The following LAMA4 variants were observed in gnomAD, a reference collection of about 807,000 sequenced individuals.
The protein encoded by LAMA4 is laminin subunit alpha 4.
A neutral mutation model predicts 207.1 loss-of-function variants in LAMA4; 127 were observed. The observed-to-expected ratio is 0.61, with a 90% CI of 0.53 to 0.71. The LOEUF is 0.71. Among genes scored for constraint, LAMA4 ranks in the 30% least tolerant of loss-of-function variants. LAMA4 has a pLI of 0.00. For missense variants in LAMA4, 2,093 were observed against 2,246.5 expected, an observed-to-expected ratio of 0.93 and a Z score of 1.38; for synonymous variants, 761 against 816.0, an observed-to-expected ratio of 0.93 and a Z score of 1.15.
chr6:112,167,840 T>TCACACACACACA (rs71021873), intron 12 of LAMA4, among the ~76,000 whole-genome samples: 41 of 125,942 alleles, frequency 3.3e-4, no homozygotes, highest in South Asian at 6.1e-4. Context: ...ATGCATACCA[T>TCACACACACACA]CACACACACA....
intron 31 of LAMA4, among the ~76,000 whole-genome samples, chr6:112,127,611 C>T (rs898428292): frequency 4.1e-4 from 62 of 152,172 alleles, no homozygotes; most frequent in African/African-American, 1.4e-3. Context: ...TGGGCTTTTA[C>T]TCGGAGTGTA....
At chr6:112,253,700 A>G in intron 2 of LAMA4, 1 of 1,573,558 alleles carries the variant, frequency 6.4e-7, no homozygotes. Context: ...TAGCGGATGA[A>G]CTCAGAGCAC....
chr6:112,254,573 C>A (rs1787737183), upstream of LAMA4: 1 of 255,210 alleles, frequency 3.9e-6, no homozygotes, highest in Non-Finnish European at 7.7e-6. Flanking sequence ...TTCTCACATT[C>A]ATTCTCACCA....
At chr6:112,160,620 A>G (rs192411433) in intron 13 of LAMA4, among the ~76,000 whole-genome samples, 3 of 152,192 alleles carry the variant, frequency 2.0e-5, no homozygotes, top group Admixed American at 2.0e-4. Context: ...TACTGGACCC[A>G]TCTGTGGTTT....
intron 16 of LAMA4, among the ~76,000 whole-genome samples, chr6:112,151,159 G>A (rs1342580641): frequency 6.6e-6 from 1 of 152,050 alleles, no homozygotes; most frequent in Non-Finnish European, 1.5e-5. Flanking sequence ...CACCTTTGAA[G>A]CTCCCTAGAG....
At chr6:112,254,731 T>A (rs1289842653), upstream of LAMA4, 3 of 157,720 alleles carry the variant, frequency 1.9e-5, no homozygotes, top group Non-Finnish European at 4.2e-5. Context: ...TTGTGACGCT[T>A]CCTCACCACT....
In LAMA4 at chr6:112,139,109, T is replaced by C; in HGVS notation, c.3282+11A>G. ...TAAAGGAGAAGTAGTAGGACTTGTA[T>C]TTTTACTCACTCCATTGACCATCAG... On this transcript the variant is annotated intron_variant, in intron 24 of 38. Coordinates refer to ENST00000230538, the MANE Select transcript of LAMA4 (RefSeq NM_001105206.3). The C allele has an allele frequency of 1.2e-6, 2 of 1,613,394 alleles. No homozygotes were observed. The highest frequency in any genetic ancestry group is 1.7e-6 in the Non-Finnish European group (2 of 1,179,308).
intron 3 of LAMA4, among the ~76,000 whole-genome samples, chr6:112,216,019 A>T (rs73764712): frequency 0.03 from 4,590 of 152,338 alleles, 227 homozygotes; most frequent in African/African-American, 0.1. Flanking sequence ...AACGAAGCCA[A>T]ACATATGGCA....
rs781834628 is a variant in LAMA4 at position 112,172,760 on chromosome 6, G to A, written c.1402C>T (p.Arg468Cys). The A allele has an allele frequency of 8.1e-6, 13 of 1,613,884 alleles. No homozygotes were observed. The highest frequency in any genetic ancestry group is 5.5e-5 in the South Asian group (5 of 91,076). ...TCCAGGACGACAGGAAACAGAGTGC[G>A]GGTCTCATTGTGCAGCCGCTGCCAG... is the stretch of plus-strand genomic sequence containing the variant. ...ESWQRLHNET[R>C]TLFPVVLEQL... The change falls in exon 12 of 39, where the codon CGC becomes TGC. Residue 468 changes from arginine (R) to cysteine (C), a missense_variant. Physicochemically the swap from Arg to Cys is radical, Grantham distance 180. Around this residue, in one of 3 missense-constraint regions of LAMA4, gnomAD observed 1,704 missense variants for 1,788.4 expected, o/e 0.95. Coordinates refer to ENST00000230538, the MANE Select transcript of LAMA4 (RefSeq NM_001105206.3).
At chr6:112,225,441 A>G (rs1785158587) in intron 2 of LAMA4, among the ~76,000 whole-genome samples, 1 of 152,280 alleles carries the variant, frequency 6.6e-6, no homozygotes, top group Non-Finnish European at 1.5e-5. Context: ...ATACTTCCAG[A>G]AGAGGGAATT....
intron 18 of LAMA4, 27 bp downstream of exon 18, chr6:112,148,130 T>G: frequency 6.2e-7 from 1 of 1,603,852 alleles, no homozygotes; most frequent in South Asian, 1.1e-5. Flanking sequence ...TTAATTAGAT[T>G]CAAATTGTGA....
At chr6:112,240,003 C>A (rs782260061) in intron 2 of LAMA4, among the ~76,000 whole-genome samples, 1 of 151,972 alleles carries the variant, frequency 6.6e-6, no homozygotes, top group African/African-American at 2.4e-5. Flanking sequence ...TTGCAGTGAG[C>A]CTAGGTCGCG....
In LAMA4 at chr6:112,172,258, T is replaced by A. The variant is rs997951472; in HGVS notation, c.1551+353A>T. 8 of 253,394 alleles carry A rather than the reference T, an allele frequency of 3.2e-5. No individual in the cohort carries two copies. In the East Asian group the frequency reaches 8.5e-4, roughly 27 times the overall value. The allele number at this position is 253,394 out of a possible 1,614,324, so 15.7% of individuals were successfully genotyped here. On this transcript the variant is annotated intron_variant, in intron 12 of 38. Coordinates refer to ENST00000230538, the MANE Select transcript of LAMA4 (RefSeq NM_001105206.3). ...GCTTATCGTGCCTTTCCAAAAATTATGCATACCCAGAACCCATGGTTTTGA... is the reference window on the plus strand; with the variant it reads ...GCTTATCGTGCCTTTCCAAAAATTAAGCATACCCAGAACCCATGGTTTTGA...
chr6:112,122,434 G>T (rs587687486), intron 31 of LAMA4, among the ~76,000 whole-genome samples: 1 of 152,044 alleles, frequency 6.6e-6, no homozygotes, highest in African/African-American at 2.4e-5. Context: ...AAATTCTTCC[G>T]CATGGTAGTA....
At chr6:112,253,139 T>C (rs1290576330) in intron 2 of LAMA4, among the ~76,000 whole-genome samples, 1 of 152,214 alleles carries the variant, frequency 6.6e-6, no homozygotes, top group Non-Finnish European at 1.5e-5. Context: ...CAATTGCTCC[T>C]TCCTTTCCCA....
intron 4 of LAMA4, among the ~76,000 whole-genome samples, chr6:112,202,854 C>T (rs1783837948): frequency 6.6e-6 from 1 of 152,218 alleles, no homozygotes; most frequent in Non-Finnish European, 1.5e-5. Flanking sequence ...TTCCACCCAG[C>T]AGCCTGCCCA....
chr6:112,113,275 C>T (rs1234315784), intron 38 of LAMA4, among the ~76,000 whole-genome samples: 2 of 152,202 alleles, frequency 1.3e-5, no homozygotes, highest in Non-Finnish European at 2.9e-5. Flanking sequence ...CAAAATATCA[C>T]ATGTACCCCC....
rs1779105740 is a variant in LAMA4, at chr6:112,132,667, T to C, written c.3834+86A>G. On this transcript the variant is annotated intron_variant, in intron 28 of 38. Coordinates refer to ENST00000230538, the MANE Select transcript of LAMA4 (RefSeq NM_001105206.3). ...AGTCAAAATTAATCTGAATAGAAAATCACTTCTAACATGCATTACAAATTA... is the reference window on the plus strand; with the variant it reads ...AGTCAAAATTAATCTGAATAGAAAACCACTTCTAACATGCATTACAAATTA... 3 of 1,276,822 alleles carry C rather than the reference T, an allele frequency of 2.3e-6. No individual in the cohort carries two copies. In the South Asian group the frequency reaches 3.8e-5, roughly 16 times the overall value. 79.1% of individuals were successfully genotyped at this position (1,276,822 alleles called of 1,614,324 possible).
At chr6:112,244,029 G>T (rs575921013) in intron 2 of LAMA4, among the ~76,000 whole-genome samples, 2 of 152,192 alleles carry the variant, frequency 1.3e-5, no homozygotes, top group Non-Finnish European at 2.9e-5. Context: ...CTGCACCCCA[G>T]CCTGGGCAAC....
Sources: gnomAD v4.1 joint callset for allele counts (sites outside exome capture counted in the v4.1 genomes callset) on GRCh38, gnomAD v4.1.1 for gene constraint, gnomAD v4.1.1 regional missense constraint, MANE v1.5 for transcripts, NCBI Gene and HGNC (gene_info 2026-07-23, HGNC 2026-07-21) for gene names.